The following ADCK1 variants were observed in gnomAD, a reference collection of about 807,000 sequenced individuals.
ADCK1 encodes aarF domain containing kinase 1, also known as aarF domain-containing protein kinase 1.
ADCK1 carries 41 observed loss-of-function variants against 52.3 expected under a neutral mutation model. That is an observed-to-expected ratio of 0.78 (90% CI 0.61 to 1.02). The LOEUF is 1.02. Ranked by LOEUF, ADCK1 falls within the 50% of genes least tolerant of loss-of-function variation. The pLI is 0.00. For synonymous variants in ADCK1, 250 were observed against 274.6 expected (o/e 0.91, Z 0.89); for missense variants, 658 against 679.5 (o/e 0.97, Z 0.35).
intron 1 of ADCK1, among the ~76,000 whole-genome samples, chr14:77,811,897 AG>A (rs2081345484): frequency 6.6e-6 from 1 of 152,366 alleles, no homozygotes; most frequent in East Asian, 1.9e-4. Context: ...AAATGGGGAC[AG>A]GGAAATTTTC....
At chr14:77,817,336 C>T in intron 1 of ADCK1, among the ~76,000 whole-genome samples, 1 of 152,218 alleles carries the variant, frequency 6.6e-6, no homozygotes, top group Non-Finnish European at 1.5e-5. Context: ...GGCACAGACT[C>T]ATTCCAGAGC....
chr14:77,934,724 TCTTA>T lies in ADCK1; in HGVS notation c.*1337_*1340del, dbSNP rs2084413808. The T allele has an allele frequency of 6.6e-6, 1 of 152,240 alleles. No homozygotes were observed. Among genetic ancestry groups the T allele is most frequent in the African/African-American group, 2.4e-5 (1 of 41,462 alleles). 9.4% of individuals were successfully genotyped at this position (152,240 alleles called of 1,614,324 possible). A position where few individuals can be genotyped will look rare whatever the true frequency, so the allele number is the denominator to read the frequency against. ...AGTAATTGTATTTGAGCCTCTCTGA[TCTTA>T]CTTCACCCAATTCACAAGGGCAGAA... On this transcript the variant is annotated 3_prime_UTR_variant, in exon 11 of 11. Coordinates refer to ENST00000238561, the MANE Select transcript of ADCK1 (RefSeq NM_020421.4).
intron 5 of ADCK1, among the ~76,000 whole-genome samples, chr14:77,890,700 A>C (rs1378020040): frequency 6.6e-6 from 1 of 152,206 alleles, no homozygotes. Flanking sequence ...CTGGCGATTT[A>C]GGGTGGTTAG....
intron 1 of ADCK1, among the ~76,000 whole-genome samples, chr14:77,805,180 T>A (rs2081193451): frequency 7.9e-6 from 1 of 126,380 alleles, no homozygotes; most frequent in Admixed American, 9.1e-5. Context: ...CACTCCAGCC[T>A]GGGCAACAAG....
chr14:77,894,015 G>C (rs981567413), intron 5 of ADCK1, among the ~76,000 whole-genome samples: 2 of 152,170 alleles, frequency 1.3e-5, no homozygotes, highest in Non-Finnish European at 2.9e-5. Flanking sequence ...TTACAGGCGT[G>C]AGCCACCGCG....
At chr14:77,915,421 A>G (rs534879189) in intron 7 of ADCK1, among the ~76,000 whole-genome samples, 1 of 146,956 alleles carries the variant, frequency 6.8e-6, no homozygotes, top group Non-Finnish European at 1.5e-5. Context: ...ATTCCCAACT[A>G]TGAGTGATAA....
Position 77,899,162 on chromosome 14 carries a change from A to G in ADCK1, c.645A>G (p.Glu215=). The G allele has an allele frequency of 1.2e-6, 2 of 1,614,206 alleles. No homozygotes were observed. The highest frequency in any genetic ancestry group is 1.7e-6 in the Non-Finnish European group (2 of 1,180,036). The part of the protein sequence containing the change: ...PEFEFMWLVD[E]AKKNLPLELD... ...TTGAGTTTATGTGGCTTGTGGATGA[A>G]GCCAAGAAGAACCTGCCTTTGGAGC... Residue 215 remains glutamate (E), a synonymous_variant, in exon 6 of 11, where the codon GAA becomes GAG. Coordinates refer to ENST00000238561, the MANE Select transcript of ADCK1 (RefSeq NM_020421.4).
intron 4 of ADCK1, among the ~76,000 whole-genome samples, chr14:77,876,913 G>A (rs893188742): frequency 6.6e-6 from 1 of 152,216 alleles, no homozygotes; most frequent in Non-Finnish European, 1.5e-5. Flanking sequence ...CAACATCCTT[G>A]CATGTACAAA....
intron 7 of ADCK1, 150 bp downstream of exon 7, chr14:77,908,069 C>A: frequency 1.6e-6 from 1 of 640,294 alleles, no homozygotes; most frequent in Non-Finnish European, 2.7e-6. Flanking sequence ...AAACTTTGAG[C>A]AAGAAAGATT....
chr14:77,852,652 AATAAATAAAT>A (rs1237684807), intron 3 of ADCK1, among the ~76,000 whole-genome samples: 305 of 32,456 alleles, frequency 9.4e-3, no homozygotes, highest in Non-Finnish European at 8.7e-3. Flanking sequence ...TATTTCTTTA[AATAAATAAAT>A]ATATATATAT....
intron 1 of ADCK1, among the ~76,000 whole-genome samples, chr14:77,814,273 T>C (rs906409225): frequency 1.4e-4 from 21 of 151,492 alleles, no homozygotes; most frequent in Non-Finnish European, 2.8e-4. Flanking sequence ...GCGATGGGGT[T>C]TCGCTATGTT....
chr14:77,911,253 G>T (rs2083784849), intron 7 of ADCK1, among the ~76,000 whole-genome samples: 1 of 152,186 alleles, frequency 6.6e-6, no homozygotes, highest in Non-Finnish European at 1.5e-5. Context: ...TTTGAACTCA[G>T]GTCTGCATGA....
chr14:77,877,020 T>A (rs1357662221), intron 4 of ADCK1, among the ~76,000 whole-genome samples: 5 of 130,472 alleles, frequency 3.8e-5, no homozygotes, highest in African/African-American at 1.0e-4. Flanking sequence ...TTCGAGACCA[T>A]CCTGGCCAAC....
chr14:77,856,121 A>G (rs1053970771), intron 3 of ADCK1, among the ~76,000 whole-genome samples: 1 of 152,152 alleles, frequency 6.6e-6, no homozygotes, highest in Non-Finnish European at 1.5e-5. Flanking sequence ...GAGGCAGGAG[A>G]ATCACTTGAA....
At chr14:77,821,660 C>T (rs1327909608) in intron 2 of ADCK1, among the ~76,000 whole-genome samples, 4 of 151,858 alleles carry the variant, frequency 2.6e-5, no homozygotes, top group African/African-American at 4.8e-5. Context: ...GTGGAAGGAT[C>T]GCCTGAGGTC....
rs778236908 is a variant in ADCK1, at chr14:77,910,818, C to T, written c.858+2899C>T. The stretch of plus-strand genomic sequence containing the variant: ...GGCAGTAGGAGCTGGGCAGGGCGTA[C>T]CCTCTGAGGACTGGTCTCATCTGCT... On this transcript the variant is annotated intron_variant, in intron 7 of 10. Coordinates refer to ENST00000238561, the MANE Select transcript of ADCK1 (RefSeq NM_020421.4). Among the ~76,000 whole-genome samples, 26 of 152,292 alleles carry T rather than the reference C, an allele frequency of 1.7e-4. No individual in the cohort carries two copies. The Middle Eastern group carries it at 0.024, about 139-fold the overall frequency.
At chr14:77,826,635 G>T (rs1247244676) in intron 3 of ADCK1, among the ~76,000 whole-genome samples, 1 of 152,220 alleles carries the variant, frequency 6.6e-6, no homozygotes, top group Non-Finnish European at 1.5e-5. Context: ...CATTGCTGGT[G>T]TAGACATCCA....
At chr14:77,927,973 G>A (rs2084235740) in intron 9 of ADCK1, among the ~76,000 whole-genome samples, 1 of 152,174 alleles carries the variant, frequency 6.6e-6, no homozygotes, top group South Asian at 2.1e-4. Context: ...TATCTCTCTC[G>A]AGTGGGGTGA....
intron 4 of ADCK1, among the ~76,000 whole-genome samples, chr14:77,865,339 C>T (rs1435067214): frequency 6.6e-6 from 1 of 151,992 alleles, no homozygotes; most frequent in East Asian, 1.9e-4. Flanking sequence ...AAAATTTAGC[C>T]AAGTGTGGTG....
Sources: gnomAD v4.1 joint callset for allele counts (sites outside exome capture counted in the v4.1 genomes callset) on GRCh38, gnomAD v4.1.1 for gene constraint, MANE v1.5 for transcripts, NCBI Gene and HGNC (gene_info 2026-07-23, HGNC 2026-07-21) for gene names.